Variants in UGT1A6 observed in about 807,000 individuals in gnomAD.
The protein encoded by UGT1A6 is UDP-glucuronosyltransferase 1A6.
A neutral mutation model predicts 44.4 loss-of-function variants in UGT1A6; 32 were observed. That is an observed-to-expected ratio of 0.72 (90% CI 0.54 to 0.97). The LOEUF is 0.97. Ranked by LOEUF, UGT1A6 falls within the 50% of genes least tolerant of loss-of-function variation. The probability of loss-of-function intolerance (pLI) is 0.00; values close to 1 mark genes in which losing one functional copy is unlikely to be tolerated. For missense variants in UGT1A6, 685 were observed against 661.9 expected, an observed-to-expected ratio of 1.03 and a Z score of -0.38; for synonymous variants, 238 against 248.5, an observed-to-expected ratio of 0.96 and a Z score of 0.40.
chr2:233,769,536 A>G lies in UGT1A6; in HGVS notation c.1301+1097A>G. On this transcript the variant is annotated intron_variant, in intron 4 of 4. Transcript: ENST00000305139. This position sits in a 1 kb window ranked among gnomAD's most constrained non-coding sequence, Gnocchi z 4.4. Reference sequence around the variant, plus strand: ...CCCATGGTTACCTCCTTTAGAAAGAAGCAGCAGTCAGGAAGACAGATGTGA... The same window carrying G: ...CCCATGGTTACCTCCTTTAGAAAGAGGCAGCAGTCAGGAAGACAGATGTGA... 6.2e-7 allele frequency: 1 copy of G among 1,612,938 alleles called. No homozygotes were observed. The highest frequency in any genetic ancestry group is 8.5e-7 in the Non-Finnish European group (1 of 1,179,892).
At chr2:233,747,501 A>G in intron 1 of UGT1A6, 1 of 1,608,354 alleles carries the variant, frequency 6.2e-7, no homozygotes, top group East Asian at 2.2e-5. Context: ...GCTGGGCCAC[A>G]CTCAACTGTA....
intron 1 of UGT1A6, chr2:233,748,083 G>T (rs1025205090): frequency 2.2e-5 from 36 of 1,612,854 alleles, no homozygotes; most frequent in Non-Finnish European, 2.8e-5. Context: ...ATCTCAGGTC[G>T]GTGTTCGTGC....
chr2:233,729,038 G>T (rs2077778879), intron 1 of UGT1A6: 2 of 1,604,346 alleles, frequency 1.2e-6, no homozygotes, highest in South Asian at 2.2e-5. Flanking sequence ...TTGCTAAGTG[G>T]CTCAGTGACA....
At chr2:233,771,979 G>A (rs35456228) in intron 4 of UGT1A6, among the ~76,000 whole-genome samples, 135 of 152,326 alleles carry the variant, frequency 8.9e-4, no homozygotes, top group African/African-American at 3.2e-3. Context: ...GCCAGACATA[G>A]TGGTGCATGA....
intron 1 of UGT1A6, among the ~76,000 whole-genome samples, chr2:233,762,105 C>G (rs879435361): frequency 5.9e-5 from 9 of 151,972 alleles, no homozygotes; most frequent in African/African-American, 2.2e-4. Context: ...GTTGATTGTC[C>G]GCTTCACATC....
chr2:233,739,475 GA>G (rs1691117772), intron 1 of UGT1A6, among the ~76,000 whole-genome samples: 1 of 152,238 alleles, frequency 6.6e-6, no homozygotes, highest in African/African-American at 2.4e-5. Flanking sequence ...GAGACCGTGG[GA>G]GCCCATTTCT....
chr2:233,703,233 A>G (rs1316206698), intron 1 of UGT1A6, among the ~76,000 whole-genome samples: 2 of 152,204 alleles, frequency 1.3e-5, no homozygotes, highest in Admixed American at 1.3e-4. Flanking sequence ...TCCTTGGCAT[A>G]AAATGGCCCA....
At chr2:233,712,948 C>T in intron 1 of UGT1A6, 3 of 1,612,658 alleles carry the variant, frequency 1.9e-6, no homozygotes, top group Non-Finnish European at 2.5e-6. Context: ...TTCTAGGAGG[C>T]ACAACGTGGG....
chr2:233,693,696 A>C lies in UGT1A6; in HGVS notation c.692A>C (p.Glu231Ala). 1 of 1,614,222 alleles carries C rather than the reference A, an allele frequency of 6.2e-7. No homozygotes were observed. Among genetic ancestry groups the C allele is most frequent in the Non-Finnish European group, 8.5e-7 (1 of 1,180,038 alleles). ...TATTGTCTGTTTTCAAAGTATGAAG[A>C]ACTCGCATCAGCTGTCCTCAAGAGA... ...LFYCLFSKYE[E>A]LASAVLKRDV... The change falls in exon 1 of 5, where the codon GAA becomes GCA. Residue 231 changes from glutamate (E) to alanine (A), a missense_variant. Transcript: ENST00000305139.
At chr2:233,725,001 G>C (rs1276972399) in intron 1 of UGT1A6, among the ~76,000 whole-genome samples, 3 of 134,004 alleles carry the variant, frequency 2.2e-5, no homozygotes, top group African/African-American at 3.7e-5. Flanking sequence ...GCTGGAGACC[G>C]GCCCGGCCAA....
chr2:233,739,478 C>G (rs945148386), intron 1 of UGT1A6, among the ~76,000 whole-genome samples: 1 of 152,180 alleles, frequency 6.6e-6, no homozygotes, highest in African/African-American at 2.4e-5. Flanking sequence ...ACCGTGGGAG[C>G]CCATTTCTGG....
intron 1 of UGT1A6, chr2:233,760,589 A>T: frequency 6.2e-7 from 1 of 1,614,196 alleles, no homozygotes; most frequent in South Asian, 1.1e-5. Flanking sequence ...AATGTTTTTG[A>T]GAATGATTCT....
intron 1 of UGT1A6, chr2:233,755,051 C>T (rs779353656): frequency 7.5e-6 from 10 of 1,331,260 alleles, no homozygotes; most frequent in East Asian, 4.6e-5. Context: ...AGCCGCCCTC[C>T]GCCCTCGCCT....
chr2:233,696,161 G>GA (rs943531214), intron 1 of UGT1A6, among the ~76,000 whole-genome samples: 5 of 151,944 alleles, frequency 3.3e-5, no homozygotes, highest in African/African-American at 4.8e-5. Context: ...ATATCCAAAA[G>GA]AAAAAAATAT....
At chr2:233,743,198 T>G (rs1692227128) in intron 1 of UGT1A6, 1 of 382,180 alleles carries the variant, frequency 2.6e-6, no homozygotes, top group African/African-American at 2.1e-5. Flanking sequence ...TTACTTGGTG[T>G]CAATGCGGAG....
chr2:233,762,985 T>A (rs544731123), intron 1 of UGT1A6, among the ~76,000 whole-genome samples: 2 of 152,238 alleles, frequency 1.3e-5, no homozygotes, highest in Non-Finnish European at 2.9e-5. Flanking sequence ...GCTATTTTAG[T>A]GGAAATTGAT....
intron 1 of UGT1A6, among the ~76,000 whole-genome samples, chr2:233,730,722 G>C (rs2078066355): frequency 6.6e-6 from 1 of 152,104 alleles, no homozygotes; most frequent in Admixed American, 6.6e-5. Flanking sequence ...AAATTATCAA[G>C]AAATGGCGGA....
upstream of UGT1A6, chr2:233,691,755 T>A (rs144640470): frequency 5.1e-3 from 2,691 of 530,206 alleles, 14 homozygotes; most frequent in Non-Finnish European, 6.1e-3. Flanking sequence ...GCTTTCTGAC[T>A]CCTGCTCTAG....
At chr2:233,771,209 T>A (rs1015017621) in intron 4 of UGT1A6, 1 of 152,162 alleles carries the variant, frequency 6.6e-6, no homozygotes. Context: ...TGGACAAATA[T>A]CCAAACTGTA....
Sources: gnomAD v4.1 joint callset for allele counts (sites outside exome capture counted in the v4.1 genomes callset) on GRCh38, gnomAD v4.1.1 for gene constraint, Gnocchi (gnomAD v3.1) non-coding constraint, MANE v1.5 for transcripts, NCBI Gene and HGNC (gene_info 2026-07-23, HGNC 2026-07-21) for gene names.